Variants in NRG3 observed in about 807,000 individuals in gnomAD.
The protein encoded by NRG3 is pro-neuregulin-3, membrane-bound isoform.
NRG3 carries 31 observed loss-of-function variants against 66.9 expected under a neutral mutation model. That is an observed-to-expected ratio of 0.46 (90% confidence interval 0.35 to 0.63). The LOEUF (loss-of-function observed/expected upper bound fraction) is 0.63. Ranked by LOEUF, NRG3 falls within the 20% of genes least tolerant of loss-of-function variation. The probability of loss-of-function intolerance (pLI) is 0.00; values close to 1 mark genes in which losing one functional copy is unlikely to be tolerated. For missense variants in NRG3, 910 were observed against 878.9 expected (o/e 1.04, Z -0.45); for synonymous variants, 393 against 359.4 (o/e 1.09, Z -1.06).
chr10:82,203,822 C>T (rs1478043875), intron 1 of NRG3, among the ~76,000 whole-genome samples: 2 of 152,036 alleles, frequency 1.3e-5, no homozygotes, highest in African/African-American at 4.8e-5. Flanking sequence ...TAACAACAGC[C>T]AGGAACATCC....
At position 82,757,659 on chromosome 10, in the gene NRG3, C is replaced by G. The variant is rs142951170; in HGVS notation, c.1027+19009C>G. Among the ~76,000 whole-genome samples, 376 of 152,012 alleles carry G rather than the reference C, an allele frequency of 2.5e-3. 1 individual carries two copies. Among genetic ancestry groups the G allele is most frequent in the African/African-American group, 7.5e-3 (313 of 41,492 alleles). On this transcript the variant is annotated intron_variant, in intron 3 of 8. Transcript: ENST00000372141. ...TATCATTGTCATCCTAATGACGACC[C>G]CTTTGAGAGTGAAAGGAGATGATGC...
chr10:82,723,633 G>A (rs1381923314), intron 2 of NRG3, among the ~76,000 whole-genome samples: 1 of 152,048 alleles, frequency 6.6e-6, no homozygotes, highest in Non-Finnish European at 1.5e-5. Context: ...AATTCCTGAA[G>A]CCTTTGGAAA....
intron 1 of NRG3, among the ~76,000 whole-genome samples, chr10:82,350,084 C>G (rs562673850): frequency 6.6e-6 from 1 of 152,064 alleles, no homozygotes; most frequent in East Asian, 1.9e-4. Context: ...ATCTTGGCTC[C>G]TCAAAAAAAC....
chr10:82,467,108 A>C (rs1937971), intron 2 of NRG3, among the ~76,000 whole-genome samples: 66,616 of 151,914 alleles, frequency 0.44, 17,613 homozygotes, highest in African/African-American at 0.74. Flanking sequence ...ATAGAATCAA[A>C]TGAGACAGCA....
chr10:82,294,448 TG>T (rs2079935461), intron 1 of NRG3, among the ~76,000 whole-genome samples: 1 of 151,274 alleles, frequency 6.6e-6, no homozygotes, highest in East Asian at 1.9e-4. Flanking sequence ...TGTGTGTGTG[TG>T]TGTGTGTGTG....
At chr10:82,949,760 C>A (rs759677313) in intron 4 of NRG3, among the ~76,000 whole-genome samples, 1 of 151,902 alleles carries the variant, frequency 6.6e-6, no homozygotes, top group Non-Finnish European at 1.5e-5. Context: ...GAGGCTGAAG[C>A]AGGAGGATCA....
intron 1 of NRG3, among the ~76,000 whole-genome samples, chr10:82,337,378 T>A (rs2082442990): frequency 6.6e-6 from 1 of 152,272 alleles, no homozygotes; most frequent in African/African-American, 2.4e-5. Flanking sequence ...ATTGGATAGA[T>A]GTACCAACTT....
At chr10:82,340,582 G>T (rs924474102) in intron 1 of NRG3, among the ~76,000 whole-genome samples, 1 of 152,176 alleles carries the variant, frequency 6.6e-6, no homozygotes, top group African/African-American at 2.4e-5. Flanking sequence ...TTTCATGAAG[G>T]AATCTGAAGA....
chr10:82,656,205 C>CA (rs1013026223), intron 2 of NRG3, among the ~76,000 whole-genome samples: 3 of 150,590 alleles, frequency 2.0e-5, no homozygotes, highest in Non-Finnish European at 3.0e-5. Context: ...TGGCAACAGA[C>CA]AAAAAAATTG....
At chr10:82,602,921 A>G (rs554665084) in intron 2 of NRG3, among the ~76,000 whole-genome samples, 91 of 152,286 alleles carry the variant, frequency 6.0e-4, no homozygotes, top group African/African-American at 2.2e-3. Context: ...TAAGGAGACA[A>G]TGAGACTCAA....
At chr10:82,576,537 A>G (rs1433383620) in intron 2 of NRG3, among the ~76,000 whole-genome samples, 1 of 151,746 alleles carries the variant, frequency 6.6e-6, no homozygotes, top group Non-Finnish European at 1.5e-5. Flanking sequence ...AGGCTGTCAC[A>G]TTGAAATATG....
At chr10:82,732,063 T>C (rs890312222) in intron 2 of NRG3, among the ~76,000 whole-genome samples, 1 of 152,176 alleles carries the variant, frequency 6.6e-6, no homozygotes, top group African/African-American at 2.4e-5. Flanking sequence ...CCATTCCACA[T>C]TGAATACATA....
intron 1 of NRG3, among the ~76,000 whole-genome samples, chr10:81,897,020 A>G (rs942973694): frequency 2.0e-5 from 3 of 152,206 alleles, no homozygotes; most frequent in South Asian, 2.1e-4. Flanking sequence ...TTGAATTTAT[A>G]TAGGTGTTCG....
intron 2 of NRG3, among the ~76,000 whole-genome samples, chr10:82,674,946 T>C (rs1364543050): frequency 6.7e-6 from 1 of 148,284 alleles, no homozygotes; most frequent in Non-Finnish European, 1.5e-5. Flanking sequence ...TATATTTATT[T>C]ATTTATTTAT....
At chr10:82,903,339 A>T (rs1012956095) in intron 4 of NRG3, among the ~76,000 whole-genome samples, 1 of 152,114 alleles carries the variant, frequency 6.6e-6, no homozygotes, top group African/African-American at 2.4e-5. Flanking sequence ...TATATCCAGT[A>T]AAAAGTGATC....
At chr10:82,288,585 C>A (rs2079551598) in intron 1 of NRG3, among the ~76,000 whole-genome samples, 1 of 152,006 alleles carries the variant, frequency 6.6e-6, no homozygotes, top group Non-Finnish European at 1.5e-5. Context: ...ACATGCCAGG[C>A]AAGTAGGCAA....
intron 1 of NRG3, among the ~76,000 whole-genome samples, chr10:82,097,287 T>G (rs1464441962): frequency 6.6e-6 from 1 of 151,386 alleles, no homozygotes; most frequent in African/African-American, 2.4e-5. Flanking sequence ...CTCAGTGATA[T>G]TCAATTGTAT....
At chr10:82,123,996 T>C (rs112847437) in intron 1 of NRG3, among the ~76,000 whole-genome samples, 1 of 152,002 alleles carries the variant, frequency 6.6e-6, no homozygotes, top group African/African-American at 2.4e-5. Context: ...ACTAATTAGA[T>C]GTCAAGAAAA....
chr10:82,912,531 C>T (rs755732744), intron 4 of NRG3, among the ~76,000 whole-genome samples: 1 of 152,080 alleles, frequency 6.6e-6, no homozygotes, highest in Non-Finnish European at 1.5e-5. Flanking sequence ...CCATTTATGG[C>T]ACCCACGCCA....
Sources: allele counts gnomAD v4.1 joint callset (sites outside exome capture counted in the v4.1 genomes callset), GRCh38; gene constraint gnomAD v4.1.1; transcripts MANE v1.5; gene names NCBI Gene and HGNC (gene_info 2026-07-23, HGNC 2026-07-21).